The following CSMD1 variants were observed in gnomAD, a reference collection of about 807,000 sequenced individuals.
CSMD1 encodes CUB and Sushi multiple domains 1.
Under a neutral mutation model 417.5 loss-of-function variants are expected in CSMD1, and 213 were observed. The observed-to-expected ratio is 0.51, with a 90% CI of 0.46 to 0.57. CSMD1 has a LOEUF of 0.57. Among genes scored for constraint, CSMD1 ranks in the 20% least tolerant of loss-of-function variants. The pLI is 0.00. For synonymous variants in CSMD1, 2,862 were observed against 1,736.8 expected (o/e 1.65, Z -16.11); for missense variants, 6,923 against 4,529.7 (o/e 1.53, Z -15.17).
chr8:3,688,054 T>A (rs575484359), intron 7 of CSMD1, among the ~76,000 whole-genome samples: 1 of 152,362 alleles, frequency 6.6e-6, no homozygotes, highest in Admixed American at 6.5e-5. Flanking sequence ...GCTCACTGCA[T>A]CTGCTTTTTG....
intron 10 of CSMD1, among the ~76,000 whole-genome samples, chr8:3,536,378 C>T (rs982140896): frequency 6.6e-6 from 1 of 152,192 alleles, no homozygotes; most frequent in African/African-American, 2.4e-5. Flanking sequence ...AATTCCATGA[C>T]CATTGATTCT....
At chr8:4,189,245 C>G (rs537757823) in intron 3 of CSMD1, among the ~76,000 whole-genome samples, 1 of 152,334 alleles carries the variant, frequency 6.6e-6, no homozygotes, top group African/African-American at 2.4e-5. Context: ...GATCTAAGCC[C>G]ACCTTTGCCC....
At chr8:4,678,182 G>T (rs1024269476) in intron 1 of CSMD1, among the ~76,000 whole-genome samples, 3 of 152,004 alleles carry the variant, frequency 2.0e-5, no homozygotes, top group African/African-American at 4.8e-5. Context: ...AGGCTGAGGC[G>T]TGTAGATCAC....
intron 2 of CSMD1, among the ~76,000 whole-genome samples, chr8:4,600,138 T>C (rs1364753604): frequency 2.0e-5 from 3 of 152,164 alleles, no homozygotes; most frequent in South Asian, 2.1e-4. Context: ...ACTTATTGCC[T>C]AGCTGGGGCC....
intron 2 of CSMD1, among the ~76,000 whole-genome samples, chr8:4,443,570 C>G (rs1013304677): frequency 1.3e-5 from 2 of 152,062 alleles, no homozygotes; most frequent in Non-Finnish European, 2.9e-5. Flanking sequence ...GCTCAAGACA[C>G]ATGAATAATA....
At chr8:3,830,848 C>T (rs746318494) in intron 5 of CSMD1, among the ~76,000 whole-genome samples, 2 of 152,092 alleles carry the variant, frequency 1.3e-5, no homozygotes, top group African/African-American at 4.8e-5. Context: ...TCATGCATGC[C>T]TAATGACAGT....
intron 3 of CSMD1, among the ~76,000 whole-genome samples, chr8:4,366,392 T>C (rs1035706807): frequency 1.3e-5 from 2 of 152,208 alleles, no homozygotes; most frequent in African/African-American, 2.4e-5. Flanking sequence ...AATGAACATA[T>C]GCATGCACGT....
chr8:4,032,791 T>C (rs985775132), intron 3 of CSMD1, among the ~76,000 whole-genome samples: 26 of 152,216 alleles, frequency 1.7e-4, no homozygotes, highest in Non-Finnish European at 3.5e-4. Flanking sequence ...TGTAAAAAAA[T>C]AATAAAATTC....
In CSMD1 at chr8:4,812,542, T is replaced by C. The variant is rs112658267; in HGVS notation, c.86-174984A>G. Among the ~76,000 whole-genome samples, 628 of 152,264 alleles carry C rather than the reference T, an allele frequency of 4.1e-3. 10 individuals carry two copies. Among genetic ancestry groups the C allele is most frequent in the African/African-American group, 0.014 (569 of 41,554 alleles). On this transcript the variant is annotated intron_variant, in intron 1 of 69. Coordinates refer to ENST00000635120, the MANE Select transcript of CSMD1 (RefSeq NM_033225.6). ...TATACATTCTATGTTTGCAACAAAA[T>C]ATCACATATACCACATGAATTTATC...
intron 4 of CSMD1, among the ~76,000 whole-genome samples, chr8:4,023,964 C>G (rs1157874442): frequency 1.3e-5 from 2 of 151,620 alleles, no homozygotes; most frequent in Non-Finnish European, 2.9e-5. Flanking sequence ...TTAAGAGCGA[C>G]TTCATTATTA....
chr8:4,252,468 C>G (rs996879607), intron 3 of CSMD1, among the ~76,000 whole-genome samples: 14 of 152,214 alleles, frequency 9.2e-5, no homozygotes, highest in Admixed American at 8.5e-4. Flanking sequence ...GAGTTACACT[C>G]TAATACATTT....
rs530961864 is a variant in CSMD1 at position 3,585,802 on chromosome 8, G to A, written c.1222+334C>T. 1.1e-3 allele frequency among the ~76,000 whole-genome samples: 169 copies of A among 152,266 alleles called. 1 individual carries two copies. Among genetic ancestry groups the A allele is most frequent in the Non-Finnish European group, 2.3e-3 (155 of 68,034 alleles). On this transcript the variant is annotated intron_variant, in intron 9 of 69. Coordinates refer to ENST00000635120, the MANE Select transcript of CSMD1 (RefSeq NM_033225.6). ...CATTTTTAGGTTTGCGGGGTGCACA[G>A]AAACCTTTCCGGCAGGTCCAGCTGT...
rs147772301 is a variant in CSMD1, at chr8:4,249,995, G to C, written c.415+169958C>G. On this transcript the variant is annotated intron_variant, in intron 3 of 69. Transcript: ENST00000635120. ...ATAAAGAGGAGCTGGGACCTACTGG[G>C]AAGTGTTTAGGTCATAAGGGCTCTG... Among the ~76,000 whole-genome samples, 670 of 152,192 alleles carry C rather than the reference G, an allele frequency of 4.4e-3. 9 individuals carry two copies. The highest frequency in any genetic ancestry group is 0.015 in the African/African-American group (641 of 41,532).
At chr8:4,862,951 G>A (rs187731322) in intron 1 of CSMD1, among the ~76,000 whole-genome samples, 44 of 151,996 alleles carry the variant, frequency 2.9e-4, no homozygotes, top group Admixed American at 2.6e-3. Context: ...AGAGATAATG[G>A]CCACAAAGCC....
chr8:4,037,241 T>A (rs557305542), intron 3 of CSMD1, among the ~76,000 whole-genome samples: 2 of 152,222 alleles, frequency 1.3e-5, no homozygotes, highest in Non-Finnish European at 2.9e-5. Flanking sequence ...TAATATGACA[T>A]AGGAACTTTA....
At chr8:4,393,991 T>G (rs1256632590) in intron 3 of CSMD1, among the ~76,000 whole-genome samples, 1 of 152,304 alleles carries the variant, frequency 6.6e-6, no homozygotes, top group South Asian at 2.1e-4. Context: ...TGCTACGTAA[T>G]AGAGCAACAC....
chr8:4,684,550 T>G (rs1806246850), intron 1 of CSMD1, among the ~76,000 whole-genome samples: 1 of 152,194 alleles, frequency 6.6e-6, no homozygotes, highest in African/African-American at 2.4e-5. Flanking sequence ...GATTTTCAAA[T>G]CTAGGCTTTG....
chr8:3,113,157 A>T (rs552562768), intron 42 of CSMD1: 63 of 152,314 alleles, frequency 4.1e-4, no homozygotes, highest in African/African-American at 1.5e-3. Flanking sequence ...GTCTGGACTG[A>T]GATCAAAGAG....
intron 10 of CSMD1, among the ~76,000 whole-genome samples, chr8:3,552,354 A>T (rs73176982): frequency 1.3e-5 from 2 of 152,108 alleles, no homozygotes; most frequent in African/African-American, 4.8e-5. Flanking sequence ...TTTCTAAATT[A>T]AAGAAAACTA....
Sources: gnomAD v4.1 joint callset for allele counts (sites outside exome capture counted in the v4.1 genomes callset) on GRCh38, gnomAD v4.1.1 for gene constraint, MANE v1.5 for transcripts, NCBI Gene and HGNC (gene_info 2026-07-23, HGNC 2026-07-21) for gene names.